The following CDKAL1 variants were observed in gnomAD, a reference collection of about 807,000 sequenced individuals.
CDKAL1 encodes the protein threonylcarbamoyladenosine tRNA methylthiotransferase.
A neutral mutation model predicts 68.2 loss-of-function variants in CDKAL1; 32 were observed. The observed-to-expected ratio is 0.47, with a 90% confidence interval of 0.35 to 0.63. The LOEUF is 0.63. Ranked by LOEUF, CDKAL1 falls within the 30% of genes least tolerant of loss-of-function variation. The pLI, the probability that CDKAL1 is intolerant of heterozygous loss-of-function variation, is 0.00. For missense variants in CDKAL1, 606 were observed against 696.7 expected (o/e 0.87, Z 1.47); for synonymous variants, 234 against 244.3 (o/e 0.96, Z 0.39).
At position 20,887,489 on chromosome 6, in the gene CDKAL1, G is replaced by C. The variant is rs148450228; in HGVS notation, c.742+41311G>C. 7.9e-3 allele frequency among the ~76,000 whole-genome samples: 1,191 copies of C among 151,574 alleles called. 6 individuals are homozygous for C. Among genetic ancestry groups the C allele is most frequent in the Non-Finnish European group, 0.013 (893 of 67,904 alleles). ...ATGAACTATTATTTAGTGACTAAAAGGAACGAACTACCAATTTAAGCAATA... is the reference window on the plus strand; with the variant it reads ...ATGAACTATTATTTAGTGACTAAAACGAACGAACTACCAATTTAAGCAATA... On this transcript the variant is annotated intron_variant, in intron 9 of 15. Transcript: ENST00000274695.
chr6:20,799,069 T>TTTTTTTTTTA, intron 8 of CDKAL1, among the ~76,000 whole-genome samples: 1 of 140,310 alleles, frequency 7.1e-6, no homozygotes, highest in Non-Finnish European at 1.5e-5. Flanking sequence ...TTTTTTTTTT[T>TTTTTTTTTTA]GAGACGGAGT....
intron 4 of CDKAL1, among the ~76,000 whole-genome samples, chr6:20,573,639 G>A (rs145090884): frequency 1.0e-3 from 159 of 152,134 alleles, no homozygotes; most frequent in African/African-American, 3.7e-3. Context: ...ATTTGGTTTA[G>A]GATGTAGAAC....
At position 21,231,190 on chromosome 6, in the gene CDKAL1, C is replaced by G; in HGVS notation, c.*151C>G. 3 of 533,738 alleles carry G rather than the reference C, an allele frequency of 5.6e-6. No individual in the cohort carries two copies. 33.1% of individuals were successfully genotyped at this position (533,738 alleles called of 1,614,324 possible). A position where few individuals can be genotyped will look rare whatever the true frequency, so the allele number is the denominator to read the frequency against. ...AGCCACTCTTCTTAATGAGGCTCCC[C>G]CTGTCTCACATTGAGTTGGGCCCAT... On this transcript the variant is annotated 3_prime_UTR_variant, in exon 16 of 16. Coordinates refer to ENST00000274695, the MANE Select transcript of CDKAL1 (RefSeq NM_017774.3).
intron 9 of CDKAL1, among the ~76,000 whole-genome samples, chr6:20,879,198 T>C (rs906756483): frequency 6.6e-6 from 1 of 152,198 alleles, no homozygotes; most frequent in African/African-American, 2.4e-5. Flanking sequence ...GGTGGACTCT[T>C]TGCATTTCTG....
At chr6:21,191,961 T>C (rs1238660872) in intron 13 of CDKAL1, among the ~76,000 whole-genome samples, 1 of 146,088 alleles carries the variant, frequency 6.8e-6, no homozygotes, top group Non-Finnish European at 1.5e-5. Flanking sequence ...CAAGGGATAG[T>C]TTTACAGGAA....
chr6:21,224,812 G>A (rs1779676202), intron 15 of CDKAL1, among the ~76,000 whole-genome samples: 1 of 152,122 alleles, frequency 6.6e-6, no homozygotes, highest in Non-Finnish European at 1.5e-5. Flanking sequence ...TTTCTCTGCT[G>A]GTAAGGTTTT....
intron 12 of CDKAL1, among the ~76,000 whole-genome samples, chr6:21,065,608 T>C (rs1470135102): frequency 6.6e-6 from 1 of 151,998 alleles, no homozygotes; most frequent in African/African-American, 2.4e-5. Flanking sequence ...TTTCATAGTT[T>C]GTTATTGATT....
At chr6:20,586,569 C>T (rs1028893355) in intron 4 of CDKAL1, among the ~76,000 whole-genome samples, 7 of 151,996 alleles carry the variant, frequency 4.6e-5, no homozygotes, top group Non-Finnish European at 8.8e-5. Context: ...ACCTGGGAGG[C>T]GGAGGTTGCA....
intron 12 of CDKAL1, among the ~76,000 whole-genome samples, chr6:21,105,595 A>G (rs1773805470): frequency 6.6e-6 from 1 of 152,250 alleles, no homozygotes; most frequent in Admixed American, 6.5e-5. Context: ...AAGATTATGT[A>G]GAGCTAGGCG....
At chr6:20,768,770 G>A (rs1455401007) in intron 7 of CDKAL1, among the ~76,000 whole-genome samples, 1 of 152,118 alleles carries the variant, frequency 6.6e-6, no homozygotes, top group Non-Finnish European at 1.5e-5. Context: ...TTTAGTCTTG[G>A]TAACTTGGTT....
intron 12 of CDKAL1, among the ~76,000 whole-genome samples, chr6:21,071,864 GC>G (rs1242788136): frequency 2.6e-5 from 4 of 152,122 alleles, no homozygotes; most frequent in Non-Finnish European, 4.4e-5. Context: ...TTTGAATGCA[GC>G]CAGTTGTGTG....
rs1240321116 is a variant in CDKAL1, at chr6:20,613,269, T to C, written c.287-36024T>C. On this transcript the variant is annotated intron_variant, in intron 4 of 15. Coordinates refer to ENST00000274695, the MANE Select transcript of CDKAL1 (RefSeq NM_017774.3). ...TCTTTCTTTTTTTTTTTTTTTTTTT[T>C]TTTTTTTTTTTTTTTTTTTTTTTGA... is the stretch of plus-strand genomic sequence containing the variant. Among the ~76,000 whole-genome samples, 205 of 86,420 alleles carry C rather than the reference T, an allele frequency of 2.4e-3. 9 individuals carry two copies. The highest frequency in any genetic ancestry group is 6.6e-3 in the East Asian group (17 of 2,570). The allele number at this position is 86,420 out of a possible 152,430, so 56.7% of individuals were successfully genotyped here.
At chr6:20,943,132 C>T (rs1392469224) in intron 9 of CDKAL1, among the ~76,000 whole-genome samples, 2 of 150,670 alleles carry the variant, frequency 1.3e-5, no homozygotes, top group Non-Finnish European at 2.9e-5. Flanking sequence ...ATTGAGTTCA[C>T]TCAGCTTTGT....
intron 4 of CDKAL1, among the ~76,000 whole-genome samples, chr6:20,567,238 A>G (rs79234854): frequency 0.014 from 2,134 of 147,306 alleles, 53 homozygotes; most frequent in African/African-American, 0.05. Flanking sequence ...AAAGACCACG[A>G]TTACTTTTGC....
In CDKAL1 at chr6:21,178,668, C is replaced by T. The variant is rs80236496; in HGVS notation, c.1300-19353C>T. On this transcript the variant is annotated intron_variant, in intron 13 of 15. Transcript: ENST00000274695. ...AAGTTTCCAAATTATAACTTAGTCT[C>T]TTGTACCACATGGACCTTTCTAGTT... Among the ~76,000 whole-genome samples, 554 of 152,310 alleles carry T rather than the reference C, an allele frequency of 3.6e-3. 5 individuals are homozygous for T. The highest frequency in any genetic ancestry group is 0.013 in the African/African-American group (533 of 41,578).
At chr6:20,716,106 G>A (rs1361946748) in intron 5 of CDKAL1, among the ~76,000 whole-genome samples, 5 of 152,186 alleles carry the variant, frequency 3.3e-5, no homozygotes, top group African/African-American at 1.2e-4. Context: ...CTTGCAGTAA[G>A]CTAAGCACTG....
chr6:20,731,330 AGT>A (rs1772915781), intron 5 of CDKAL1, among the ~76,000 whole-genome samples: 1 of 152,206 alleles, frequency 6.6e-6, no homozygotes, highest in Non-Finnish European at 1.5e-5. Context: ...GCAGGGAAAA[AGT>A]GTTACTGGCT....
intron 9 of CDKAL1, among the ~76,000 whole-genome samples, chr6:20,879,654 T>C (rs1031562931): frequency 6.6e-6 from 1 of 152,208 alleles, no homozygotes; most frequent in Non-Finnish European, 1.5e-5. Context: ...ATTTCTTTCC[T>C]GTCCTTGCTG....
intron 10 of CDKAL1, 130 bp downstream of exon 10, chr6:20,955,715 C>A: frequency 1.5e-6 from 1 of 688,474 alleles, no homozygotes; most frequent in Non-Finnish European, 2.3e-6. Flanking sequence ...TCCCGCATTT[C>A]CAAGAATGAA....
Sources: gnomAD v4.1 joint callset for allele counts (sites outside exome capture counted in the v4.1 genomes callset) on GRCh38, gnomAD v4.1.1 for gene constraint, MANE v1.5 for transcripts, NCBI Gene and HGNC (gene_info 2026-07-23, HGNC 2026-07-21) for gene names.